The following EPHB1 variants were observed in gnomAD, a reference collection of about 807,000 sequenced individuals.
EPHB1 encodes the protein ephrin type-B receptor 1.
A neutral mutation model predicts 94.4 loss-of-function variants in EPHB1; 30 were observed. That is an observed-to-expected ratio of 0.32 (90% CI 0.24 to 0.43). EPHB1 has a LOEUF of 0.43. Among genes scored for constraint, EPHB1 ranks in the 20% least tolerant of loss-of-function variants. EPHB1 has a pLI of 1.00. For missense variants in EPHB1, 1,055 were observed against 1,308.3 expected, an observed-to-expected ratio of 0.81 and a Z score of 2.99; for synonymous variants, 522 against 489.1, an observed-to-expected ratio of 1.07 and a Z score of -0.89.
intron 4 of EPHB1, among the ~76,000 whole-genome samples, chr3:135,110,670 T>C (rs1454895858): frequency 6.6e-6 from 1 of 152,248 alleles, no homozygotes; most frequent in African/African-American, 2.4e-5. Flanking sequence ...CTCAGTGATG[T>C]TGCAAACCAT....
chr3:135,031,805 G>A (rs1004575227), intron 3 of EPHB1, among the ~76,000 whole-genome samples: 1 of 151,986 alleles, frequency 6.6e-6, no homozygotes, highest in Non-Finnish European at 1.5e-5. Context: ...TAAATGTTTT[G>A]TATCCTCACT....
At chr3:134,841,099 C>A (rs1461011036) in intron 1 of EPHB1, among the ~76,000 whole-genome samples, 1 of 152,204 alleles carries the variant, frequency 6.6e-6, no homozygotes, top group Non-Finnish European at 1.5e-5. Context: ...ACCCTTATTC[C>A]ACCAGGAGAA....
chr3:135,162,316 C>G, intron 7 of EPHB1, 136 bp downstream of exon 7: 1 of 1,036,684 alleles, frequency 9.6e-7, no homozygotes, highest in East Asian at 2.9e-5. Flanking sequence ...AACGGTTTGC[C>G]TCCCAGTAGG....
intron 3 of EPHB1, among the ~76,000 whole-genome samples, chr3:134,961,229 T>C (rs1933506770): frequency 6.6e-6 from 1 of 152,234 alleles, no homozygotes; most frequent in Non-Finnish European, 1.5e-5. Flanking sequence ...CAGAGGATGC[T>C]GTGGCTGCAA....
chr3:135,040,342 C>G (rs1936793416), intron 3 of EPHB1, among the ~76,000 whole-genome samples: 1 of 152,208 alleles, frequency 6.6e-6, no homozygotes, highest in African/African-American at 2.4e-5. Context: ...ATTTTCTCAG[C>G]CACCCAGAAT....
intron 1 of EPHB1, among the ~76,000 whole-genome samples, chr3:134,906,867 C>G (rs2038343702): frequency 6.6e-6 from 1 of 152,190 alleles, no homozygotes; most frequent in Non-Finnish European, 1.5e-5. Context: ...GGAGTTGAGC[C>G]ACCATTCAAC....
chr3:134,870,057 G>A (rs1343749060), intron 1 of EPHB1, among the ~76,000 whole-genome samples: 1 of 152,172 alleles, frequency 6.6e-6, no homozygotes, highest in Non-Finnish European at 1.5e-5. Context: ...GAAAAATCAG[G>A]TAAGGATATT....
intron 3 of EPHB1, 120 bp downstream of exon 3, chr3:134,952,172 C>A: frequency 9.6e-7 from 1 of 1,042,492 alleles, no homozygotes; most frequent in Non-Finnish European, 1.4e-6. Context: ...TATTATAAAG[C>A]TCTGAGGACT....
intron 12 of EPHB1, among the ~76,000 whole-genome samples, chr3:135,224,327 T>TTAA (rs1262072154): frequency 6.6e-6 from 1 of 152,248 alleles, no homozygotes; most frequent in Non-Finnish European, 1.5e-5. Context: ...CCTTTTTTCA[T>TTAA]TAATAAGACA....
chr3:134,998,886 G>T lies in EPHB1; in HGVS notation c.805+46834G>T, dbSNP rs116514466. Reference sequence around the variant, plus strand: ...AGTAGAGAGAGAAAAAGGGATCAAGGATAGGCACTGGGCTTTGAGGGACAT... The same window carrying T: ...AGTAGAGAGAGAAAAAGGGATCAAGTATAGGCACTGGGCTTTGAGGGACAT... On this transcript the variant is annotated intron_variant, in intron 3 of 15. Transcript: ENST00000398015. 1.6e-3 allele frequency among the ~76,000 whole-genome samples: 238 copies of T among 152,302 alleles called. 1 individual carries two copies. Among genetic ancestry groups the T allele is most frequent in the Middle Eastern group, 3.4e-3 (1 of 294 alleles).
chr3:135,166,200 A>C (rs9866044), intron 8 of EPHB1, 124 bp downstream of exon 8: 14,322 of 683,024 alleles, frequency 0.021, 197 homozygotes, highest in Non-Finnish European at 0.028. Flanking sequence ...ACTCCATCTC[A>C]ATCCAAGAGC....
chr3:135,118,293 T>C (rs1939796030), intron 4 of EPHB1, among the ~76,000 whole-genome samples: 1 of 152,180 alleles, frequency 6.6e-6, no homozygotes, highest in Non-Finnish European at 1.5e-5. Context: ...TACTCAGTGA[T>C]AGCTGATTGG....
intron 3 of EPHB1, among the ~76,000 whole-genome samples, chr3:135,092,533 G>A (rs1186517167): frequency 6.6e-6 from 1 of 152,038 alleles, no homozygotes; most frequent in Non-Finnish European, 1.5e-5. Flanking sequence ...CTGTTTCCCT[G>A]TCTCCTGCTT....
chr3:134,845,073 CT>C (rs2036847196), intron 1 of EPHB1, among the ~76,000 whole-genome samples: 1 of 152,224 alleles, frequency 6.6e-6, no homozygotes, highest in African/African-American at 2.4e-5. Flanking sequence ...TGAAAAATGA[CT>C]GACAGAGAGT....
chr3:134,998,937 G>A (rs916175180), intron 3 of EPHB1, among the ~76,000 whole-genome samples: 1 of 152,174 alleles, frequency 6.6e-6, no homozygotes, highest in Non-Finnish European at 1.5e-5. Context: ...AAGAAGATAA[G>A]CCAGGAAGGG....
At chr3:134,939,058 A>T (rs935478365) in intron 2 of EPHB1, among the ~76,000 whole-genome samples, 1 of 151,852 alleles carries the variant, frequency 6.6e-6, no homozygotes, top group African/African-American at 2.4e-5. Context: ...CACTTTCTCC[A>T]CCTTGACCTT....
intron 5 of EPHB1, among the ~76,000 whole-genome samples, chr3:135,141,046 GC>G (rs1940807743): frequency 6.6e-6 from 1 of 152,070 alleles, no homozygotes; most frequent in African/African-American, 2.4e-5. Flanking sequence ...AATCCCTCAG[GC>G]CTCGGGATCA....
intron 3 of EPHB1, among the ~76,000 whole-genome samples, chr3:135,079,959 GC>G (rs1202090067): frequency 3.9e-5 from 6 of 152,132 alleles, no homozygotes; most frequent in Non-Finnish European, 8.8e-5. Flanking sequence ...ACTTAGGAGT[GC>G]CCCTGGCTGG....
chr3:134,949,455 C>T (rs989554579), intron 2 of EPHB1, among the ~76,000 whole-genome samples: 3 of 152,112 alleles, frequency 2.0e-5, no homozygotes, highest in Non-Finnish European at 4.4e-5. Flanking sequence ...TTCCTTCACT[C>T]AGGTTTAGAG....
Sources: allele counts gnomAD v4.1 joint callset (sites outside exome capture counted in the v4.1 genomes callset), GRCh38; gene constraint gnomAD v4.1.1; transcripts MANE v1.5; gene names NCBI Gene and HGNC (gene_info 2026-07-23, HGNC 2026-07-21).